GAN: variants seen among roughly 807,000 people sequenced by gnomAD.
GAN encodes the protein epididymis secretory sperm binding protein.
A neutral mutation model predicts 71.3 loss-of-function variants in GAN; 48 were observed. That is an observed-to-expected ratio of 0.67 (90% confidence interval 0.53 to 0.86). The LOEUF is 0.86. Among genes scored for constraint, GAN ranks in the 40% least tolerant of loss-of-function variants. GAN has a pLI of 0.00. For synonymous variants in GAN, 386 were observed against 276.8 expected, an observed-to-expected ratio of 1.39 and a Z score of -3.92; for missense variants, 928 against 770.1, an observed-to-expected ratio of 1.21 and a Z score of -2.43.
At chr16:81,367,939 T>A (rs1910914817) in intron 9 of GAN, among the ~76,000 whole-genome samples, 1 of 152,218 alleles carries the variant, frequency 6.6e-6, no homozygotes, top group Non-Finnish European at 1.5e-5. Context: ...TAGGAGTAGT[T>A]TATTTCTTAA....
chr16:81,372,532 C>G (rs1173329988), intron 9 of GAN, among the ~76,000 whole-genome samples: 1 of 152,162 alleles, frequency 6.6e-6, no homozygotes, highest in Non-Finnish European at 1.5e-5. Context: ...GTTAAATTTT[C>G]AAATTAGTTC....
intron 9 of GAN, among the ~76,000 whole-genome samples, chr16:81,376,829 A>T (rs1904283075): frequency 6.6e-6 from 1 of 152,036 alleles, no homozygotes; most frequent in Admixed American, 6.6e-5. Flanking sequence ...GTGAACCATA[A>T]TTGTGCCACT....
intron 9 of GAN, among the ~76,000 whole-genome samples, chr16:81,366,869 G>A (rs936722852): frequency 1.3e-5 from 2 of 151,926 alleles, no homozygotes; most frequent in Admixed American, 6.6e-5. Flanking sequence ...CTGTCGCCCG[G>A]GCTAGAGTGC....
chr16:81,375,401 A>G (rs1207936845), intron 9 of GAN, among the ~76,000 whole-genome samples: 3 of 131,178 alleles, frequency 2.3e-5, no homozygotes, highest in Non-Finnish European at 4.6e-5. Flanking sequence ...CAGTGGCATG[A>G]TCTCAACTCA....
intron 9 of GAN, among the ~76,000 whole-genome samples, chr16:81,369,420 A>C (rs1910964531): frequency 6.6e-6 from 1 of 152,264 alleles, no homozygotes; most frequent in South Asian, 2.1e-4. Context: ...TAATTCACCT[A>C]GAAAAAGTAG....
intron 9 of GAN, among the ~76,000 whole-genome samples, chr16:81,376,650 GTGTGTA>G (rs1567501003): frequency 2.7e-5 from 4 of 150,336 alleles, no homozygotes; most frequent in Middle Eastern, 3.5e-3. Flanking sequence ...GTGTATATAT[GTGTGTA>G]TATATGTGTG....
At chr16:81,338,854 T>A (rs534256764) in intron 1 of GAN, among the ~76,000 whole-genome samples, 1 of 152,234 alleles carries the variant, frequency 6.6e-6, no homozygotes, top group Non-Finnish European at 1.5e-5. Flanking sequence ...TGAGAGGCCC[T>A]GATTTCCAAC....
intron 1 of GAN, among the ~76,000 whole-genome samples, chr16:81,342,146 A>T (rs1401600184): frequency 6.6e-6 from 1 of 152,202 alleles, no homozygotes; most frequent in Non-Finnish European, 1.5e-5. Context: ...GTTCTTAGAG[A>T]CCTACAAAGA....
chr16:81,353,294 A>AAG, intron 2 of GAN, among the ~76,000 whole-genome samples: 1 of 151,842 alleles, frequency 6.6e-6, no homozygotes. Context: ...TCCGTCTCAA[A>AAG]AAAAAAAAAA....
In GAN at chr16:81,388,477, C is replaced by A. The variant is rs1288336776; in HGVS notation, c.*10881C>A. On this transcript the variant is annotated 3_prime_UTR_variant, in exon 11 of 11. Transcript: ENST00000648994. ...ACCCAGGTGCCTTCTGAGGCACCGC[C>A]AAGGACACATCCCAGCGCCTTAGGC... 6.6e-6 allele frequency: 1 copy of A among 152,424 alleles called. No individual in the cohort carries two copies. The highest frequency in any genetic ancestry group is 2.4e-5 in the African/African-American group (1 of 41,468). The allele number at this position is 152,424 out of a possible 1,614,324, so 9.4% of individuals were successfully genotyped here. A position where few individuals can be genotyped will look rare whatever the true frequency, so the allele number is the denominator to read the frequency against.
At chr16:81,321,536 A>T (rs1205045036) in intron 1 of GAN, among the ~76,000 whole-genome samples, 2 of 152,250 alleles carry the variant, frequency 1.3e-5, no homozygotes, top group Admixed American at 6.5e-5. Context: ...TGGATGATAT[A>T]GAGTAAGCAT....
chr16:81,376,530 T>G (rs1416364180), intron 9 of GAN, among the ~76,000 whole-genome samples: 2 of 150,624 alleles, frequency 1.3e-5, no homozygotes, highest in African/African-American at 4.9e-5. Context: ...TGTATACATA[T>G]ATGTGTATAT....
intron 9 of GAN, among the ~76,000 whole-genome samples, chr16:81,375,709 C>T (rs1039104061): frequency 6.6e-6 from 1 of 151,820 alleles, no homozygotes; most frequent in Non-Finnish European, 1.5e-5. Flanking sequence ...CTCACACCTG[C>T]AATCCCAGTA....
At chr16:81,358,561 A>G (rs1910567544) in intron 5 of GAN, among the ~76,000 whole-genome samples, 1 of 151,998 alleles carries the variant, frequency 6.6e-6, no homozygotes, top group African/African-American at 2.4e-5. Flanking sequence ...GTGAGCCAAG[A>G]TCACACCACT....
intron 9 of GAN, among the ~76,000 whole-genome samples, chr16:81,370,345 T>C (rs1023879429): frequency 6.6e-6 from 1 of 152,224 alleles, no homozygotes; most frequent in Admixed American, 6.5e-5. Flanking sequence ...CAACCACATC[T>C]GTTTCAGTCA....
chr16:81,364,890 G>A (rs768813844), intron 7 of GAN, 84 bp from the exon 8 acceptor site: 21 of 1,337,280 alleles, frequency 1.6e-5, no homozygotes, highest in Non-Finnish European at 2.3e-5. Flanking sequence ...ATCTCTTTAA[G>A]TATGGCCCAG....
chr16:81,343,778 C>A (rs751101609), intron 1 of GAN, among the ~76,000 whole-genome samples: 1 of 152,138 alleles, frequency 6.6e-6, no homozygotes, highest in Non-Finnish European at 1.5e-5. Context: ...AGCAATCAGG[C>A]AAGAGAAAGC....
chr16:81,345,567 A>C (rs190685956), intron 1 of GAN, among the ~76,000 whole-genome samples: 29 of 151,554 alleles, frequency 1.9e-4, no homozygotes, highest in African/African-American at 6.5e-4. Flanking sequence ...GGACACAGGG[A>C]GGGGAACATC....
intron 9 of GAN, among the ~76,000 whole-genome samples, chr16:81,375,270 C>G (rs949575936): frequency 7.0e-6 from 1 of 143,660 alleles, no homozygotes; most frequent in Non-Finnish European, 1.5e-5. Flanking sequence ...AAGAAGAAGA[C>G]AGTAAACCCA....
Sources: allele counts gnomAD v4.1 joint callset (sites outside exome capture counted in the v4.1 genomes callset), GRCh38; gene constraint gnomAD v4.1.1; transcripts MANE v1.5; gene names NCBI Gene and HGNC (gene_info 2026-07-23, HGNC 2026-07-21).